CTNNA2: variants seen among roughly 807,000 people sequenced by gnomAD.
The protein encoded by CTNNA2 is catenin alpha-2.
Under a neutral mutation model 101.0 loss-of-function variants are expected in CTNNA2, and 42 were observed. The observed-to-expected ratio is 0.42, with a 90% CI of 0.32 to 0.54. The LOEUF (loss-of-function observed/expected upper bound fraction) is 0.54, where lower values mean the gene tolerates loss of function less well. CTNNA2 is among the 20% of genes least tolerant of loss of function. The probability of loss-of-function intolerance (pLI) is 0.14; values close to 1 mark genes in which losing one functional copy is unlikely to be tolerated. For missense variants in CTNNA2, 871 were observed against 1,223.1 expected, an observed-to-expected ratio of 0.71 and a Z score of 4.29; for synonymous variants, 450 against 456.4, an observed-to-expected ratio of 0.99 and a Z score of 0.18.
chr2:79,931,814 A>G (rs569334160), intron 7 of CTNNA2, among the ~76,000 whole-genome samples: 45 of 152,324 alleles, frequency 3.0e-4, no homozygotes, highest in Admixed American at 2.7e-3. Context: ...AAGCAAGTTC[A>G]GCTTAATGCT....
chr2:80,446,939 G>A (rs1683122475), intron 9 of CTNNA2, among the ~76,000 whole-genome samples: 1 of 151,828 alleles, frequency 6.6e-6, no homozygotes, highest in African/African-American at 2.4e-5. Flanking sequence ...AAAAAAAGAA[G>A]GCAAATGTAT....
Position 80,024,163 on chromosome 2 carries a change from G to C in CTNNA2, c.1056+114366G>C, listed in dbSNP as rs201677808. ...ACAAATAATGAAAATCAGATGTGTTGATTGCTTTCATAGACATATATAATT... is the reference window on the plus strand; with the variant it reads ...ACAAATAATGAAAATCAGATGTGTTCATTGCTTTCATAGACATATATAATT... On this transcript the variant is annotated intron_variant, in intron 7 of 18. Transcript: ENST00000402739. 8.6e-5 allele frequency among the ~76,000 whole-genome samples: 13 copies of C among 151,534 alleles called. No individual in the cohort carries two copies. In the East Asian group the frequency reaches 2.5e-3, roughly 29 times the overall value.
At chr2:79,471,641 A>G (rs1671000377) in intron 4 of CTNNA2, among the ~76,000 whole-genome samples, 1 of 152,112 alleles carries the variant, frequency 6.6e-6, no homozygotes, top group Non-Finnish European at 1.5e-5. Flanking sequence ...GATCGAGACC[A>G]TCCTGGCTAA....
intron 7 of CTNNA2, among the ~76,000 whole-genome samples, chr2:80,033,892 C>T (rs1164983798): frequency 8.1e-6 from 1 of 122,740 alleles, no homozygotes; most frequent in African/African-American, 3.1e-5. Flanking sequence ...CAGTCTGCAA[C>T]AAAAACATAA....
chr2:79,544,709 A>T (rs529985743), intron 1 of CTNNA2, among the ~76,000 whole-genome samples: 7 of 152,310 alleles, frequency 4.6e-5, no homozygotes, highest in South Asian at 4.1e-4. Flanking sequence ...AATGAAGATG[A>T]ATCACTTCTT....
At chr2:79,701,582 TC>T (rs1685003875) in intron 2 of CTNNA2, among the ~76,000 whole-genome samples, 2 of 152,130 alleles carry the variant, frequency 1.3e-5, no homozygotes, top group South Asian at 4.1e-4. Context: ...ATCTCACTGG[TC>T]CTATGATACT....
chr2:80,274,692 A>G (rs1673757123), intron 7 of CTNNA2, among the ~76,000 whole-genome samples: 1 of 152,140 alleles, frequency 6.6e-6, no homozygotes, highest in African/African-American at 2.4e-5. Context: ...TCCTTTCTAC[A>G]GGCTAGCTAC....
chr2:79,278,324 T>C (rs1433937569), intron 2 of CTNNA2, among the ~76,000 whole-genome samples: 1 of 152,136 alleles, frequency 6.6e-6, no homozygotes, highest in Non-Finnish European at 1.5e-5. Context: ...TAGTTTTCTG[T>C]ATTAATGAGG....
chr2:79,639,817 A>T (rs1680325425), intron 1 of CTNNA2, among the ~76,000 whole-genome samples: 1 of 152,182 alleles, frequency 6.6e-6, no homozygotes, highest in Non-Finnish European at 1.5e-5. Flanking sequence ...AAGAGAGAAT[A>T]TCGAAGGCAT....
At chr2:79,619,150 G>A (rs1429754141) in intron 1 of CTNNA2, among the ~76,000 whole-genome samples, 1 of 152,252 alleles carries the variant, frequency 6.6e-6, no homozygotes, top group African/African-American at 2.4e-5. Flanking sequence ...AGGTTGCAGT[G>A]AGCCGAGATT....
intron 3 of CTNNA2, among the ~76,000 whole-genome samples, chr2:79,821,697 G>A (rs879322892): frequency 1.3e-5 from 2 of 152,146 alleles, no homozygotes; most frequent in Admixed American, 6.5e-5. Flanking sequence ...TTGAAAAAAT[G>A]AATTATAAAT....
intron 9 of CTNNA2, among the ~76,000 whole-genome samples, chr2:80,520,218 C>T (rs989799567): frequency 2.0e-5 from 3 of 151,926 alleles, no homozygotes; most frequent in African/African-American, 7.3e-5. Flanking sequence ...AATATACTCA[C>T]CCACACTAGA....
chr2:79,973,560 C>G (rs1690636853), intron 7 of CTNNA2, among the ~76,000 whole-genome samples: 1 of 151,878 alleles, frequency 6.6e-6, no homozygotes, highest in Non-Finnish European at 1.5e-5. Flanking sequence ...TAGGTTTTGC[C>G]CAGGTGAAAA....
intron 7 of CTNNA2, among the ~76,000 whole-genome samples, chr2:80,077,002 C>T (rs117961993): frequency 0.019 from 2,833 of 152,082 alleles, 72 homozygotes; most frequent in African/African-American, 0.061. Flanking sequence ...GCCAAGATCA[C>T]GCCACTGTAC....
intron 3 of CTNNA2, among the ~76,000 whole-genome samples, chr2:79,807,154 A>G (rs1251442062): frequency 6.6e-6 from 1 of 152,112 alleles, no homozygotes; most frequent in Non-Finnish European, 1.5e-5. Flanking sequence ...TTTTAAATAC[A>G]AATATATTTT....
chr2:79,665,638 T>G (rs1682363554), intron 2 of CTNNA2, among the ~76,000 whole-genome samples: 1 of 152,192 alleles, frequency 6.6e-6, no homozygotes, highest in Non-Finnish European at 1.5e-5. Flanking sequence ...TTTAAAAATA[T>G]TTTTAAACAT....
chr2:80,446,413 T>C (rs1416987505), intron 9 of CTNNA2, among the ~76,000 whole-genome samples: 1 of 152,246 alleles, frequency 6.6e-6, no homozygotes, highest in African/African-American at 2.4e-5. Context: ...GACCTGCTTA[T>C]TACATTGATC....
intron 4 of CTNNA2, among the ~76,000 whole-genome samples, chr2:79,483,651 C>T (rs1463280246): frequency 1.3e-5 from 2 of 152,192 alleles, no homozygotes; most frequent in Non-Finnish European, 2.9e-5. Context: ...AAAGTGGGAA[C>T]ATATGATGTT....
chr2:79,641,985 G>T (rs770108156), intron 1 of CTNNA2, among the ~76,000 whole-genome samples: 3 of 152,064 alleles, frequency 2.0e-5, no homozygotes, highest in Non-Finnish European at 2.9e-5. Flanking sequence ...TGTATTATTA[G>T]TCTTAACTTA....
Sources: gnomAD v4.1 joint callset for allele counts (sites outside exome capture counted in the v4.1 genomes callset) on GRCh38, gnomAD v4.1.1 for gene constraint, MANE v1.5 for transcripts, NCBI Gene and HGNC (gene_info 2026-07-23, HGNC 2026-07-21) for gene names.